Variants in CTNNA3 observed in about 807,000 individuals in gnomAD.
CTNNA3 encodes catenin alpha-3.
In CTNNA3, 76 loss-of-function variants were observed where a neutral mutation model predicts 95.7. The ratio of observed to expected loss-of-function variants is 0.79; its 90% confidence interval spans 0.66 to 0.96. The LOEUF is 0.96. Ranked by LOEUF, CTNNA3 falls within the 40% of genes least tolerant of loss-of-function variation. CTNNA3 has a pLI of 0.00. For synonymous variants in CTNNA3, 431 were observed against 374.4 expected (o/e 1.15, Z -1.74); for missense variants, 1,191 against 1,089.8 (o/e 1.09, Z -1.31).
intron 5 of CTNNA3, among the ~76,000 whole-genome samples, chr10:67,396,342 T>A (rs1414144097): frequency 1.3e-5 from 2 of 152,192 alleles, no homozygotes; most frequent in Non-Finnish European, 2.9e-5. Context: ...GACATTTGAC[T>A]AAATTCAATA....
rs371991139 is a variant in CTNNA3, at chr10:66,516,987, TC to T, written c.1531+3629del. The stretch of plus-strand genomic sequence containing the variant: ...CCTATAATCCCAGCACTTTGAGAGG[TC>T]AAGGCGGGTGGATCACAAGGTCAGG... On this transcript the variant is annotated intron_variant, in intron 11 of 17. Transcript: ENST00000433211. Among the ~76,000 whole-genome samples the T allele has an allele frequency of 5.2e-3, 792 of 151,970 alleles. 4 individuals are homozygous for T. The highest frequency in any genetic ancestry group is 0.018 in the African/African-American group (758 of 41,426).
At chr10:66,111,243 C>T (rs1193392316) in intron 13 of CTNNA3, among the ~76,000 whole-genome samples, 1 of 152,134 alleles carries the variant, frequency 6.6e-6, no homozygotes, top group Non-Finnish European at 1.5e-5. Flanking sequence ...CTTCCACCTC[C>T]TGCCCTGTAG....
chr10:66,713,030 G>C (rs1848344773), intron 9 of CTNNA3, among the ~76,000 whole-genome samples: 1 of 151,990 alleles, frequency 6.6e-6, no homozygotes, highest in African/African-American at 2.4e-5. Flanking sequence ...CTTAAGTAAG[G>C]GGTCCTCTTA....
chr10:66,140,683 A>T (rs987157486), intron 13 of CTNNA3, among the ~76,000 whole-genome samples: 4 of 152,168 alleles, frequency 2.6e-5, no homozygotes, highest in African/African-American at 9.7e-5. Context: ...CAAATCCCAC[A>T]TTGCATGGCT....
At chr10:66,441,808 T>C (rs1279233832) in intron 11 of CTNNA3, among the ~76,000 whole-genome samples, 2 of 152,196 alleles carry the variant, frequency 1.3e-5, no homozygotes, top group East Asian at 1.9e-4. Flanking sequence ...AAAGAGTAGA[T>C]TCACAGCTGT....
At chr10:66,139,062 T>A (rs1329175906) in intron 13 of CTNNA3, among the ~76,000 whole-genome samples, 1 of 152,150 alleles carries the variant, frequency 6.6e-6, no homozygotes, top group African/African-American at 2.4e-5. Context: ...CCTGTGTGAT[T>A]TTTCTCCTGA....
intron 7 of CTNNA3, among the ~76,000 whole-genome samples, chr10:66,893,718 T>C (rs1190782716): frequency 2.6e-5 from 4 of 152,132 alleles, no homozygotes; most frequent in Non-Finnish European, 1.5e-5. Flanking sequence ...TCAAATTCAA[T>C]GCAAGATGAA....
intron 7 of CTNNA3, among the ~76,000 whole-genome samples, chr10:66,960,884 C>A (rs1849072109): frequency 6.6e-6 from 1 of 152,094 alleles, no homozygotes; most frequent in Non-Finnish European, 1.5e-5. Flanking sequence ...CTGTAGAAAT[C>A]TTGAGAGTGA....
At chr10:67,688,833 C>A (rs1379732074) in intron 1 of CTNNA3, among the ~76,000 whole-genome samples, 4 of 152,186 alleles carry the variant, frequency 2.6e-5, no homozygotes, top group Non-Finnish European at 5.9e-5. Context: ...GCAACAGAAA[C>A]ACCTCTTGCC....
intron 11 of CTNNA3, among the ~76,000 whole-genome samples, chr10:66,425,603 T>G (rs369728799): frequency 6.6e-6 from 1 of 152,056 alleles, no homozygotes; most frequent in African/African-American, 2.4e-5. Flanking sequence ...TCTCCCAAGT[T>G]CTTTTTCCTA....
At chr10:67,420,755 T>C (rs1845718074) in intron 5 of CTNNA3, among the ~76,000 whole-genome samples, 1 of 152,178 alleles carries the variant, frequency 6.6e-6, no homozygotes, top group Admixed American at 6.5e-5. Flanking sequence ...CAAAGTAGTA[T>C]TATCTTTATT....
chr10:66,829,397 G>A (rs1336329342), intron 7 of CTNNA3, among the ~76,000 whole-genome samples: 4 of 152,026 alleles, frequency 2.6e-5, no homozygotes, highest in Admixed American at 2.6e-4. Flanking sequence ...GATCACTTTA[G>A]GTCAGGAGTG....
intron 7 of CTNNA3, among the ~76,000 whole-genome samples, chr10:67,161,512 T>C (rs1313669117): frequency 6.6e-6 from 1 of 151,716 alleles, no homozygotes; most frequent in East Asian, 1.9e-4. Context: ...GATAAACTAC[T>C]AAAATAGCTA....
intron 16 of CTNNA3, among the ~76,000 whole-genome samples, chr10:65,983,551 A>G (rs915983451): frequency 1.3e-5 from 2 of 151,504 alleles, no homozygotes; most frequent in Non-Finnish European, 3.0e-5. Context: ...TATTCTGTTT[A>G]ATTCACAAGC....
intron 5 of CTNNA3, among the ~76,000 whole-genome samples, chr10:67,318,851 T>C (rs572543031): frequency 4.7e-4 from 72 of 152,242 alleles, no homozygotes; most frequent in Non-Finnish European, 9.6e-4. Flanking sequence ...CTTGTCATAA[T>C]CTAGCTGTTC....
chr10:66,233,898 A>G (rs2089721966), intron 13 of CTNNA3, among the ~76,000 whole-genome samples: 1 of 152,226 alleles, frequency 6.6e-6, no homozygotes, highest in African/African-American at 2.4e-5. Flanking sequence ...AAAACTTAGA[A>G]TGCTTTTCCA....
At chr10:66,504,238 T>C (rs1314115595) in intron 11 of CTNNA3, among the ~76,000 whole-genome samples, 1 of 152,138 alleles carries the variant, frequency 6.6e-6, no homozygotes, top group Non-Finnish European at 1.5e-5. Flanking sequence ...TGGTAACCAC[T>C]ATTCTACTCC....
At chr10:66,664,772 C>T (rs981040490) in intron 9 of CTNNA3, among the ~76,000 whole-genome samples, 1 of 151,716 alleles carries the variant, frequency 6.6e-6, no homozygotes, top group African/African-American at 2.4e-5. Flanking sequence ...CTGGGAAATG[C>T]TCATTGAAAT....
intron 5 of CTNNA3, among the ~76,000 whole-genome samples, chr10:67,275,911 G>C (rs1265337159): frequency 2.0e-5 from 3 of 152,030 alleles, no homozygotes; most frequent in African/African-American, 7.2e-5. Context: ...TTATGGATCA[G>C]AAAACTAGCT....
Sources: gnomAD v4.1 joint callset for allele counts (sites outside exome capture counted in the v4.1 genomes callset) on GRCh38, gnomAD v4.1.1 for gene constraint, MANE v1.5 for transcripts, NCBI Gene and HGNC (gene_info 2026-07-23, HGNC 2026-07-21) for gene names.